EML5: variants seen among roughly 807,000 people sequenced by gnomAD.
EML5 encodes the protein echinoderm microtubule-associated protein-like 5.
A neutral mutation model predicts 250.0 loss-of-function variants in EML5; 120 were observed. The ratio of observed to expected loss-of-function variants is 0.48; its 90% CI spans 0.41 to 0.56. The LOEUF is 0.56. Among genes scored for constraint, EML5 ranks in the 20% least tolerant of loss-of-function variants. The probability of loss-of-function intolerance (pLI) is 0.00; values close to 1 mark genes in which losing one functional copy is unlikely to be tolerated. For synonymous variants in EML5, 771 were observed against 806.5 expected (o/e 0.96, Z 0.75); for missense variants, 2,006 against 2,437.6 (o/e 0.82, Z 3.73).
In EML5 at chr14:88,679,202, A is replaced by G. The variant is rs142056228; in HGVS notation, c.3124+2688T>C. ...TCTTAAACTGATTATATCTGCTAAT[A>G]CTCTATTTCTAAATGAGGACACATT... is the stretch of plus-strand genomic sequence containing the variant. On this transcript the variant is annotated intron_variant, in intron 21 of 43. Coordinates refer to ENST00000554922, the MANE Select transcript of EML5 (RefSeq NM_183387.3). Among the ~76,000 whole-genome samples the G allele has an allele frequency of 3.8e-3, 564 of 148,308 alleles. 3 individuals are homozygous for G. The highest frequency in any genetic ancestry group is 6.0e-3 in the Non-Finnish European group (407 of 67,294).
At chr14:88,707,843 G>C (rs1650520161) in intron 10 of EML5, among the ~76,000 whole-genome samples, 1 of 152,116 alleles carries the variant, frequency 6.6e-6, no homozygotes, top group Non-Finnish European at 1.5e-5. Context: ...TGCATTACTT[G>C]CCTGTCAAGA....
At chr14:88,649,739 T>C (rs1369983358) in intron 28 of EML5, among the ~76,000 whole-genome samples, 173 bp downstream of exon 28, 1 of 152,176 alleles carries the variant, frequency 6.6e-6, no homozygotes, top group African/African-American at 2.4e-5. Context: ...AACAACCATA[T>C]ATGCTATCTA....
chr14:88,639,135 A>G (rs966160564), intron 31 of EML5, among the ~76,000 whole-genome samples: 2 of 152,236 alleles, frequency 1.3e-5, no homozygotes, highest in Non-Finnish European at 2.9e-5. Flanking sequence ...GAAGATTCCA[A>G]GTGCCACAAG....
chr14:88,705,573 G>A lies in EML5; in HGVS notation c.1841C>T (p.Ser614Phe). The change falls in exon 12 of 44, where the codon TCT (serine) becomes TTT (phenylalanine). Residue 614 changes from serine (S) to phenylalanine (F), a missense_variant. Around this residue, in one of 7 missense-constraint regions of EML5, gnomAD observed 1,375 missense variants for 1,590.3 expected, o/e 0.86. Transcript: ENST00000554922. ...ATCTGAATCTGATTCATCACTATGA[G>A]AGTCAGCCAGACTTTCTGTAATTTT... ...HIAPQESLAD[S>F]HSDESDSDLS... 2 of 1,590,938 alleles carry A rather than the reference G, an allele frequency of 1.3e-6. No homozygotes were observed. Among genetic ancestry groups the A allele is most frequent in the Non-Finnish European group, 1.7e-6 (2 of 1,167,166 alleles).
intron 21 of EML5, among the ~76,000 whole-genome samples, chr14:88,670,222 G>A (rs1309845483): frequency 1.3e-5 from 2 of 150,502 alleles, no homozygotes; most frequent in Non-Finnish European, 1.5e-5. Flanking sequence ...TTGGGAGGCT[G>A]AGGCAGAGAA....
intron 7 of EML5, among the ~76,000 whole-genome samples, chr14:88,732,838 A>G (rs1335296061): frequency 6.6e-6 from 1 of 152,122 alleles, no homozygotes; most frequent in Non-Finnish European, 1.5e-5. Flanking sequence ...TTTGAGACGG[A>G]GTCTGGCTGT....
At chr14:88,723,564 A>T (rs550183671) in intron 8 of EML5, among the ~76,000 whole-genome samples, 15 of 152,276 alleles carry the variant, frequency 9.9e-5, no homozygotes, top group African/African-American at 3.6e-4. Flanking sequence ...ATAATGTAGA[A>T]TATACTTGAA....
chr14:88,785,565 C>A (rs2094543161), intron 1 of EML5, among the ~76,000 whole-genome samples: 1 of 152,172 alleles, frequency 6.6e-6, no homozygotes, highest in African/African-American at 2.4e-5. Context: ...CACTGTTTCC[C>A]AATTCAGTAG....
At chr14:88,616,501 G>A (rs1595174964) in intron 42 of EML5, 1 of 603,530 alleles carries the variant, frequency 1.7e-6, no homozygotes, top group East Asian at 2.8e-5. Flanking sequence ...TATAGGTTTG[G>A]TGAAAAGCTA....
At chr14:88,781,146 C>T (rs566321167) in intron 1 of EML5, among the ~76,000 whole-genome samples, 5 of 152,252 alleles carry the variant, frequency 3.3e-5, no homozygotes, top group South Asian at 2.1e-4. Context: ...TGGGTTTAGG[C>T]GGGCAAAGAT....
chr14:88,761,193 ATGT>A (rs1249802594), intron 1 of EML5, among the ~76,000 whole-genome samples: 1 of 151,814 alleles, frequency 6.6e-6, no homozygotes, highest in Non-Finnish European at 1.5e-5. Context: ...TTCTAGCAGG[ATGT>A]TGTTTTTTTA....
chr14:88,619,648 T>G (rs779647080), intron 39 of EML5: 7 of 152,216 alleles, frequency 4.6e-5, no homozygotes, highest in Non-Finnish European at 8.8e-5. Context: ...CTCCAGTTAT[T>G]AAGGTGAAAT....
At chr14:88,789,450 T>A (rs1262471043) in intron 1 of EML5, among the ~76,000 whole-genome samples, 1 of 152,166 alleles carries the variant, frequency 6.6e-6, no homozygotes, top group Non-Finnish European at 1.5e-5. Context: ...CAAGCAACAC[T>A]GAGAAAATGA....
intron 33 of EML5, among the ~76,000 whole-genome samples, chr14:88,631,778 G>GA (rs1330042059): frequency 1.3e-5 from 2 of 151,974 alleles, no homozygotes; most frequent in African/African-American, 4.8e-5. Context: ...CTCAAAAAAA[G>GA]AAAAAAACAA....
At chr14:88,774,078 A>G (rs984228985) in intron 1 of EML5, among the ~76,000 whole-genome samples, 1 of 152,202 alleles carries the variant, frequency 6.6e-6, no homozygotes, top group East Asian at 1.9e-4. Flanking sequence ...AGTTCATGCC[A>G]CTGCACTCCA....
rs181872855 is a variant in EML5, at chr14:88,767,631, T to C, written c.198-12960A>G. ...AACTGTATTTTTTTGCATATGTGTG[T>C]CTGCTTGTGGCCTACCTTTTAATTT... On this transcript the variant is annotated intron_variant, in intron 1 of 43. Coordinates refer to ENST00000554922, the MANE Select transcript of EML5 (RefSeq NM_183387.3). 6.1e-3 allele frequency among the ~76,000 whole-genome samples: 935 copies of C among 152,350 alleles called. 4 individuals carry two copies. The highest frequency in any genetic ancestry group is 8.8e-3 in the Non-Finnish European group (601 of 68,036).
intron 31 of EML5, among the ~76,000 whole-genome samples, chr14:88,639,592 T>C (rs980527958): frequency 3.3e-5 from 5 of 152,168 alleles, no homozygotes; most frequent in Non-Finnish European, 5.9e-5. Flanking sequence ...TGTTTTTGTT[T>C]TTTTGAGACA....
At chr14:88,684,984 GA>G (rs754113405) in intron 20 of EML5, 30 bp downstream of exon 20, 38 of 1,502,782 alleles carry the variant, frequency 2.5e-5, no homozygotes, top group African/African-American at 5.7e-5. Flanking sequence ...TGTATGTAAA[GA>G]AAAAAAAACA....
chr14:88,704,695 T>C (rs1197574986), intron 13 of EML5, among the ~76,000 whole-genome samples, 165 bp downstream of exon 13: 2 of 152,218 alleles, frequency 1.3e-5, no homozygotes, highest in African/African-American at 2.4e-5. Flanking sequence ...TTGTCTAATG[T>C]CTCCTCATGA....
Sources: gnomAD v4.1 joint callset for allele counts (sites outside exome capture counted in the v4.1 genomes callset) on GRCh38, gnomAD v4.1.1 for gene constraint, gnomAD v4.1.1 regional missense constraint, MANE v1.5 for transcripts, NCBI Gene and HGNC (gene_info 2026-07-23, HGNC 2026-07-21) for gene names.